The following ABCC2 variants were observed in gnomAD, a reference collection of about 807,000 sequenced individuals.
The protein encoded by ABCC2 is ATP binding cassette subfamily C member 2, also known as ATP-binding cassette sub-family C member 2.
In ABCC2, 157 loss-of-function variants were observed where a neutral mutation model predicts 173.4. That is an observed-to-expected ratio of 0.91 (90% CI 0.80 to 1.03). The LOEUF is 1.03. Among genes scored for constraint, ABCC2 ranks in the 50% least tolerant of loss-of-function variants. ABCC2 has a pLI of 0.00. For synonymous variants in ABCC2, 657 were observed against 693.5 expected (o/e 0.95, Z 0.83); for missense variants, 1,822 against 1,852.3 (o/e 0.98, Z 0.30).
chr10:99,807,571 A>C, intron 12 of ABCC2, 50 bp downstream of exon 12: 1 of 1,612,476 alleles, frequency 6.2e-7, no homozygotes, highest in South Asian at 1.1e-5. Context: ...GACCTGCATC[A>C]GCTTCCTGAA....
At chr10:99,785,354 C>T (rs2037688225) in intron 2 of ABCC2, among the ~76,000 whole-genome samples, 1 of 152,146 alleles carries the variant, frequency 6.6e-6, no homozygotes, top group Admixed American at 6.5e-5. Flanking sequence ...GCGGGAGAGG[C>T]CCAGGAGGGG....
chr10:99,821,343 C>T (rs1446329688), intron 19 of ABCC2, among the ~76,000 whole-genome samples: 3 of 152,136 alleles, frequency 2.0e-5, no homozygotes, highest in Non-Finnish European at 4.4e-5. Flanking sequence ...CTGCAAGAGG[C>T]ATGCCTTCCT....
chr10:99,808,034 T>C (rs936588489), intron 12 of ABCC2, 49 bp from the exon 13 acceptor site: 2 of 1,605,252 alleles, frequency 1.2e-6, no homozygotes, highest in South Asian at 1.1e-5. Context: ...AGCACAATGC[T>C]GCTTGGTCCC....
intron 25 of ABCC2, 107 bp from the exon 26 acceptor site, chr10:99,841,860 G>A: frequency 6.6e-7 from 1 of 1,513,286 alleles, no homozygotes; most frequent in South Asian, 1.2e-5. Context: ...TAAGAGTGCG[G>A]CCCGATCAAG....
chr10:99,830,756 TC>T lies in ABCC2; in HGVS notation c.2790del (p.Leu931Ter), dbSNP rs2038724978. On this transcript the variant is annotated frameshift_variant, in exon 21 of 32. Coordinates refer to ENST00000647814, the MANE Select transcript of ABCC2 (RefSeq NM_000392.5). LOFTEE classifies it high-confidence loss of function. Reference sequence around the variant, plus strand: ...CAGGCATCTGAAGTCCCTGAGAAACTCCTTGAAAACTCGGAATGTGAATAGC... The same window carrying T: ...CAGGCATCTGAAGTCCCTGAGAAACTCTTGAAAACTCGGAATGTGAATAGC... Reference protein sequence around the residue: ...NGRHLKSLRNSLKTRNVNSLK... With the variant: ...NGRHLKSLRNXLKTRNVNSLK... 3 of 1,614,008 alleles carry T rather than the reference TC, an allele frequency of 1.9e-6. No homozygotes were observed. The highest frequency in any genetic ancestry group is 2.5e-6 in the Non-Finnish European group (3 of 1,180,008).
chr10:99,850,786 G>A lies in ABCC2; in HGVS notation c.4498G>A (p.Asp1500Asn). Residue 1500 changes from aspartate (D) to asparagine (N), a missense_variant, in exon 31 of 32, where the codon GAC becomes AAC. Physicochemically the swap from Asp to Asn is conservative, Grantham distance 23 (BLOSUM62 1). Transcript: ENST00000647814. ...TIAHRLHTIM[D>N]SDKVMVLDNG... ...CGCCCACAGGCTGCACACCATCATG[G>A]ACAGTGACAAGTGAGTGTAGGGGGA... The A allele has an allele frequency of 1.9e-6, 3 of 1,614,172 alleles. No homozygotes were observed. Among genetic ancestry groups the A allele is most frequent in the Non-Finnish European group, 1.7e-6 (2 of 1,180,034 alleles).
chr10:99,813,455 C>T (rs2038252445), intron 16 of ABCC2, among the ~76,000 whole-genome samples: 1 of 152,186 alleles, frequency 6.6e-6, no homozygotes, highest in African/African-American at 2.4e-5. Flanking sequence ...GTGGCTCACG[C>T]CTATAATCCC....
intron 2 of ABCC2, among the ~76,000 whole-genome samples, chr10:99,787,001 CAA>C (rs200187648): frequency 5.3e-4 from 58 of 110,468 alleles, no homozygotes; most frequent in South Asian, 5.7e-4. Flanking sequence ...GACTCCGTCT[CAA>C]AAAAAAAAAA....
rs2038142648 is a variant in ABCC2 at position 99,808,017 on chromosome 10, G to A, written c.1669-66G>A. ...TTCAACTCTGATATATGGTGTTCCT[G>A]AAACTTAGCACAATGCTGCTTGGTC... is the stretch of plus-strand genomic sequence containing the variant. On this transcript the variant is annotated intron_variant, in intron 12 of 31. Transcript: ENST00000647814. 1.9e-6 allele frequency: 3 copies of A among 1,585,716 alleles called. No homozygotes were observed. The South Asian group carries it at 3.3e-5, about 18-fold the overall frequency.
rs2073337 is a variant in ABCC2 at position 99,807,669 on chromosome 10, A to G, written c.1668+148A>G. On this transcript the variant is annotated intron_variant, in intron 12 of 31. Transcript: ENST00000647814. ...CTTGTCCCTCTCACCGCCCCATGCC[A>G]CTTTTCCTCCTTTGTACCATACCCC... 435,550 of 1,142,614 alleles carry G rather than the reference A, an allele frequency of 0.38. 85,634 individuals carry two copies. Among genetic ancestry groups the G allele is most frequent in the African/African-American group, 0.44 (28,476 of 65,230 alleles). The allele number at this position is 1,142,614 out of a possible 1,614,324, so 70.8% of individuals were successfully genotyped here.
At chr10:99,845,994 C>A (rs2039011134) in intron 29 of ABCC2, among the ~76,000 whole-genome samples, 1 of 152,214 alleles carries the variant, frequency 6.6e-6, no homozygotes, top group Non-Finnish European at 1.5e-5. Context: ...TATCTGACCA[C>A]TAGGTGGCAG....
Position 99,817,005 on chromosome 10 carries a change from T to A in ABCC2, c.2095-303T>A, listed in dbSNP as rs368672503. The stretch of plus-strand genomic sequence containing the variant: ...TTTCGTTGGTCCTAGTAAACTCAAT[T>A]GGGTTTGACTAAAACCCTCTTCTAG... On this transcript the variant is annotated intron_variant, in intron 16 of 31. Coordinates refer to ENST00000647814, the MANE Select transcript of ABCC2 (RefSeq NM_000392.5). Among the ~76,000 whole-genome samples the A allele has an allele frequency of 1.3e-4, 20 of 152,308 alleles. No individual in the cohort carries two copies. The South Asian group carries it at 4.1e-3, about 32-fold the overall frequency.
chr10:99,804,403 T>A, intron 10 of ABCC2, 130 bp downstream of exon 10: 2 of 1,212,408 alleles, frequency 1.6e-6, no homozygotes, highest in Non-Finnish European at 2.3e-6. Flanking sequence ...CCATCTCAAT[T>A]GTACTTAGCT....
intron 19 of ABCC2, among the ~76,000 whole-genome samples, chr10:99,820,369 C>T (rs1440310104): frequency 6.8e-6 from 1 of 147,458 alleles, no homozygotes; most frequent in East Asian, 2.0e-4. Flanking sequence ...CCAGCCTGGG[C>T]AACAAGAGTG....
At chr10:99,841,662 C>T (rs1003562606) in intron 25 of ABCC2, among the ~76,000 whole-genome samples, 2 of 152,206 alleles carry the variant, frequency 1.3e-5, no homozygotes, top group African/African-American at 4.8e-5. Flanking sequence ...GAATTTGTAA[C>T]ATTGTATATT....
At chr10:99,825,583 C>T (rs1446910668) in intron 19 of ABCC2, among the ~76,000 whole-genome samples, 2 of 152,224 alleles carry the variant, frequency 1.3e-5, no homozygotes, top group African/African-American at 4.8e-5. Context: ...ATTCAGCAAT[C>T]CTGTCTCCTG....
At chr10:99,839,085 G>A (rs2038883009) in intron 25 of ABCC2, among the ~76,000 whole-genome samples, 1 of 144,236 alleles carries the variant, frequency 6.9e-6, no homozygotes, top group African/African-American at 2.6e-5. Context: ...CGGGCAGGGG[G>A]GCAGACCCCC....
intron 7 of ABCC2, 78 bp from the exon 8 acceptor site, chr10:99,799,129 C>G: frequency 1.3e-6 from 2 of 1,565,714 alleles, no homozygotes; most frequent in Non-Finnish European, 1.8e-6. Context: ...ACGGGGCTCA[C>G]AGGCTGACCA....
Position 99,818,878 on chromosome 10 carries a change from C to T in ABCC2, c.2360C>T (p.Pro787Leu). 6.2e-7 allele frequency: 1 copy of T among 1,614,114 alleles called. No homozygotes were observed. The highest frequency in any genetic ancestry group is 8.5e-7 in the Non-Finnish European group (1 of 1,180,012). ...QNLDIYLLDDPLSAVDAHVGK... is the reference protein window; with the variant it reads ...QNLDIYLLDDLLSAVDAHVGK... ...TTAGACATCTATCTTCTAGATGACCCCCTGTCTGCAGTGGATGCTCATGTA... is the reference window on the plus strand; with the variant it reads ...TTAGACATCTATCTTCTAGATGACCTCCTGTCTGCAGTGGATGCTCATGTA... Residue 787 changes from proline (P) to leucine (L), a missense_variant, in exon 18 of 32, where the codon CCC (proline) becomes CTC (leucine). Physicochemically the swap from Pro to Leu is moderately conservative, Grantham distance 98. Transcript: ENST00000647814.
Sources: gnomAD v4.1 joint callset for allele counts (sites outside exome capture counted in the v4.1 genomes callset) on GRCh38, gnomAD v4.1.1 for gene constraint, MANE v1.5 for transcripts, NCBI Gene and HGNC (gene_info 2026-07-23, HGNC 2026-07-21) for gene names.